Variants in IMMP2L observed in about 807,000 individuals in gnomAD.
IMMP2L encodes the protein mitochondrial inner membrane protease subunit 2.
IMMP2L carries 18 observed loss-of-function variants against 19.3 expected under a neutral mutation model. That is an observed-to-expected ratio of 0.93 (90% CI 0.64 to 1.38). IMMP2L has a LOEUF of 1.38. Ranked by LOEUF, IMMP2L falls within the 40% of genes most tolerant of loss-of-function variation. The pLI, the probability that IMMP2L is intolerant of heterozygous loss-of-function variation, is 0.00. For synonymous variants in IMMP2L, 76 were observed against 73.0 expected (o/e 1.04, Z -0.21); for missense variants, 233 against 218.2 (o/e 1.07, Z -0.43).
At chr7:110,864,217 CAA>C (rs1807753411) in intron 5 of IMMP2L, among the ~76,000 whole-genome samples, 1 of 151,796 alleles carries the variant, frequency 6.6e-6, no homozygotes, top group African/African-American at 2.4e-5. Flanking sequence ...CTTTTTAAAA[CAA>C]GAGTAGAAAT....
At chr7:111,241,841 T>C (rs571796623) in intron 3 of IMMP2L, among the ~76,000 whole-genome samples, 14 of 151,898 alleles carry the variant, frequency 9.2e-5, no homozygotes, top group African/African-American at 3.4e-4. Context: ...AGTAAATACA[T>C]TACAGTGGGA....
intron 3 of IMMP2L, among the ~76,000 whole-genome samples, chr7:111,013,046 T>C (rs988356844): frequency 3.3e-5 from 5 of 152,104 alleles, no homozygotes; most frequent in African/African-American, 1.2e-4. Flanking sequence ...ATTGGTATGA[T>C]TCCTAAATTC....
intron 3 of IMMP2L, among the ~76,000 whole-genome samples, chr7:111,405,421 AATT>A (rs1450981214): frequency 1.3e-5 from 2 of 152,102 alleles, no homozygotes; most frequent in Admixed American, 6.6e-5. Context: ...ATGCACTAAA[AATT>A]ATTATTAGAA....
In IMMP2L at chr7:111,421,355, C is replaced by T. The variant is rs1585035546; in HGVS notation, c.239+65883G>A. 3.3e-5 allele frequency among the ~76,000 whole-genome samples: 5 copies of T among 149,366 alleles called. No homozygotes were observed. In the South Asian group the frequency reaches 6.3e-4, roughly 19 times the overall value. On this transcript the variant is annotated intron_variant, in intron 3 of 5. Coordinates refer to ENST00000405709, the MANE Select transcript of IMMP2L (RefSeq NM_032549.4). Reference sequence around the variant, plus strand: ...CGCAATCTCGGCTCACTGCAAGCTCCGCCTCCCGGGTTCACGCCATTCTCC... The same window carrying T: ...CGCAATCTCGGCTCACTGCAAGCTCTGCCTCCCGGGTTCACGCCATTCTCC...
At chr7:110,939,260 G>A (rs1400252771) in intron 4 of IMMP2L, among the ~76,000 whole-genome samples, 2 of 152,088 alleles carry the variant, frequency 1.3e-5, no homozygotes, top group Admixed American at 1.3e-4. Context: ...ACCGATCCCT[G>A]GGCTGCATTC....
chr7:110,782,013 C>T (rs576810005), intron 5 of IMMP2L, among the ~76,000 whole-genome samples: 160 of 151,928 alleles, frequency 1.1e-3, no homozygotes, highest in African/African-American at 3.7e-3. Flanking sequence ...TTCTTTATAA[C>T]CCAGTAGTGG....
chr7:111,031,407 T>TGTGTGTGTGTAA (rs147571783), intron 3 of IMMP2L, among the ~76,000 whole-genome samples: 7,361 of 147,126 alleles, frequency 0.05, 334 homozygotes, highest in African/African-American at 0.11. Flanking sequence ...TGTGTGTGTG[T>TGTGTGTGTGTAA]GAGAGAAAGA....
At chr7:111,184,958 G>C (rs1808106799) in intron 3 of IMMP2L, among the ~76,000 whole-genome samples, 1 of 152,116 alleles carries the variant, frequency 6.6e-6, no homozygotes, top group African/African-American at 2.4e-5. Flanking sequence ...TGCTAATAAA[G>C]ATGCTCTCCT....
chr7:111,493,018 T>C (rs1008312941), intron 2 of IMMP2L, among the ~76,000 whole-genome samples: 3 of 152,168 alleles, frequency 2.0e-5, no homozygotes, highest in African/African-American at 4.8e-5. Context: ...AGAACAGTGA[T>C]TGGAAAATAA....
chr7:111,413,736 A>C (rs968309435), intron 3 of IMMP2L, among the ~76,000 whole-genome samples: 13 of 97,858 alleles, frequency 1.3e-4, no homozygotes, highest in Admixed American at 1.3e-3. Context: ...GTCAGCTCCA[A>C]ATTTACCCTT....
chr7:111,088,310 A>C (rs757920092), intron 3 of IMMP2L, among the ~76,000 whole-genome samples: 4 of 152,204 alleles, frequency 2.6e-5, no homozygotes, highest in African/African-American at 9.7e-5. Context: ...ATTTCAATAC[A>C]TTTCCATTAA....
intron 5 of IMMP2L, among the ~76,000 whole-genome samples, chr7:110,848,763 T>A (rs571254697): frequency 6.6e-6 from 1 of 152,178 alleles, no homozygotes; most frequent in South Asian, 2.1e-4. Flanking sequence ...AAAAGACATG[T>A]AGGAAACTTA....
chr7:111,455,410 G>A (rs1207957903), intron 3 of IMMP2L, among the ~76,000 whole-genome samples: 5 of 151,878 alleles, frequency 3.3e-5, no homozygotes, highest in Non-Finnish European at 7.4e-5. Context: ...AGTATCCCTT[G>A]ACAGAATCTA....
At chr7:110,811,721 A>T (rs1311061540) in intron 5 of IMMP2L, among the ~76,000 whole-genome samples, 1 of 152,072 alleles carries the variant, frequency 6.6e-6, no homozygotes, top group Non-Finnish European at 1.5e-5. Context: ...AGAGAGTATT[A>T]TCATGGATAT....
chr7:110,953,026 C>T (rs1817991206), intron 4 of IMMP2L, among the ~76,000 whole-genome samples: 1 of 152,064 alleles, frequency 6.6e-6, no homozygotes, highest in Admixed American at 6.6e-5. Flanking sequence ...TCTTCCAATA[C>T]CTACCTAGCA....
chr7:111,373,829 G>A lies in IMMP2L; in HGVS notation c.239+113409C>T, dbSNP rs116993986. ...GTCCCCAAGCATGAATGAAGAACAC[G>A]AGAAAATACATCAGGGATTTAAATG... On this transcript the variant is annotated intron_variant, in intron 3 of 5. Transcript: ENST00000405709. Among the ~76,000 whole-genome samples, 180 of 152,062 alleles carry A rather than the reference G, an allele frequency of 1.2e-3. 9 individuals are homozygous for A. The East Asian group carries it at 0.031, about 26-fold the overall frequency.
chr7:110,973,231 G>A (rs1563124772), intron 3 of IMMP2L, among the ~76,000 whole-genome samples: 1 of 152,066 alleles, frequency 6.6e-6, no homozygotes, highest in Non-Finnish European at 1.5e-5. Context: ...GTTAGCTAGA[G>A]TTAATCATCT....
intron 4 of IMMP2L, among the ~76,000 whole-genome samples, chr7:110,907,864 G>C (rs559970614): frequency 5.3e-5 from 8 of 152,152 alleles, no homozygotes; most frequent in Non-Finnish European, 1.2e-4. Flanking sequence ...TGGTGGGGGG[G>C]AAATGCTTCA....
At chr7:110,751,579 A>G (rs1260294492) in intron 5 of IMMP2L, among the ~76,000 whole-genome samples, 2 of 152,060 alleles carry the variant, frequency 1.3e-5, no homozygotes, top group African/African-American at 4.8e-5. Context: ...GAACACTGAA[A>G]CAAGATCTAG....
Sources: gnomAD v4.1 joint callset for allele counts (sites outside exome capture counted in the v4.1 genomes callset) on GRCh38, gnomAD v4.1.1 for gene constraint, MANE v1.5 for transcripts, NCBI Gene and HGNC (gene_info 2026-07-23, HGNC 2026-07-21) for gene names.